Variants in DERA observed in about 807,000 individuals in gnomAD.
The protein encoded by DERA is 2-deoxy-D-ribose 5-phosphate aldolase.
DERA carries 15 observed loss-of-function variants against 41.1 expected under a neutral mutation model. The ratio of observed to expected loss-of-function variants is 0.37; its 90% CI spans 0.24 to 0.56. The LOEUF is 0.56. DERA is among the 20% of genes least tolerant of loss of function. The pLI, the probability that DERA is intolerant of heterozygous loss-of-function variation, is 0.81. For synonymous variants in DERA, 139 were observed against 137.4 expected (o/e 1.01, Z -0.08); for missense variants, 396 against 403.4 (o/e 0.98, Z 0.16).
Position 15,985,331 on chromosome 12 carries a change from C to T in DERA, c.637+2895C>T, listed in dbSNP as rs1992173484. 6.6e-6 allele frequency: 1 copy of T among 152,186 alleles called. No individual in the cohort carries two copies. The highest frequency in any genetic ancestry group is 6.5e-5 in the Admixed American group (1 of 15,274). 9.4% of individuals were successfully genotyped at this position (152,186 alleles called of 1,614,324 possible). A position where few individuals can be genotyped will look rare whatever the true frequency, so the allele number is the denominator to read the frequency against. ...TTAAGGAGTTTGCCTAGAAGTATTT[C>T]ACTGTGTAAGTATACTGAGTTGCTA... On this transcript the variant is annotated intron_variant, in intron 6 of 8. Transcript: ENST00000428559. The surrounding 1 kb of genome is among the most constrained non-coding windows in gnomAD (Gnocchi z 4.2).
In DERA at chr12:15,936,886, T is replaced by TTGTCC. The variant is rs71438363; in HGVS notation, c.32-20005_32-20001dup. Among the ~76,000 whole-genome samples, 976 of 136,898 alleles carry TTGTCC rather than the reference T, an allele frequency of 7.1e-3. 3 individuals carry two copies. Among genetic ancestry groups the TTGTCC allele is most frequent in the Middle Eastern group, 0.018 (5 of 284 alleles). 89.8% of individuals were successfully genotyped at this position (136,898 alleles called of 152,430 possible). A position where few individuals can be genotyped will look rare whatever the true frequency, so the allele number is the denominator to read the frequency against. On this transcript the variant is annotated intron_variant, in intron 1 of 8. Coordinates refer to ENST00000428559, the MANE Select transcript of DERA (RefSeq NM_015954.4). The surrounding 1 kb of genome is among the most constrained non-coding windows in gnomAD (Gnocchi z 4.6). ...TTGTCTTGTCTTGTCTTGTCTTGTCTTGTCCTGTCCTGTCCTGTCCTGTCC... is the reference window on the plus strand; with the variant it reads ...TTGTCTTGTCTTGTCTTGTCTTGTCTTGTCCTGTCCTGTCCTGTCCTGTCCTGTCC...
chr12:16,020,109 C>T lies in DERA; in HGVS notation c.638-12433C>T, dbSNP rs540623745. Among the ~76,000 whole-genome samples the T allele has an allele frequency of 2.0e-5, 3 of 152,278 alleles. No individual in the cohort carries two copies. The East Asian group carries it at 5.8e-4, about 29-fold the overall frequency. On this transcript the variant is annotated intron_variant, in intron 6 of 8. Coordinates refer to ENST00000428559, the MANE Select transcript of DERA (RefSeq NM_015954.4). The surrounding 1 kb of genome is among the most constrained non-coding windows in gnomAD (Gnocchi z 5.5). ...TCTCTAGGAGCAGATCCAAGCACCA[C>T]ACTTACTGTACAGTCTGCAGAATTG...
rs71438364 is a variant in DERA at position 16,029,913 on chromosome 12, CTTTTTTTTTTTTTTTTT to C, written c.638-2618_638-2602del. On this transcript the variant is annotated intron_variant, in intron 6 of 8. Transcript: ENST00000428559. The stretch of plus-strand genomic sequence containing the variant: ...TCAGACCTCCAAATGTAGCCTTGGT[CTTTTTTTTTTTTTTTTT>C]TTTTTTTTTTGAGATGGAGTCTCAC... Among the ~76,000 whole-genome samples the C allele has an allele frequency of 3.7e-3, 224 of 59,744 alleles. 3 individuals are homozygous for C. In the Admixed American group the frequency reaches 0.041, roughly 11 times the overall value. 39.2% of individuals were successfully genotyped at this position (59,744 alleles called of 152,430 possible).
chr12:16,010,439 G>T lies in DERA; in HGVS notation c.638-22103G>T, dbSNP rs1948939533. Among the ~76,000 whole-genome samples, 1 of 151,356 alleles carries T rather than the reference G, an allele frequency of 6.6e-6. No homozygotes were observed. Among genetic ancestry groups the T allele is most frequent in the Non-Finnish European group, 1.5e-5 (1 of 67,986 alleles). The stretch of plus-strand genomic sequence containing the variant: ...AATTTGATGGTGACCTTTTCTGCTT[G>T]TACCTTTACCCATAGATGAGGTTTT... On this transcript the variant is annotated intron_variant, in intron 6 of 8. Transcript: ENST00000428559. This position sits in a 1 kb window ranked among gnomAD's most constrained non-coding sequence, Gnocchi z 5.5.
Position 16,009,197 on chromosome 12 carries a change from T to A in DERA, c.638-23345T>A, listed in dbSNP as rs2136178107. ...CCTCCTTCTCTTACTGTTGTATGGT[T>A]GTCAATCAGAATGAACTAGAATCTA... is the stretch of plus-strand genomic sequence containing the variant. On this transcript the variant is annotated intron_variant, in intron 6 of 8. Coordinates refer to ENST00000428559, the MANE Select transcript of DERA (RefSeq NM_015954.4). This position sits in a 1 kb window ranked among gnomAD's most constrained non-coding sequence, Gnocchi z 5.3. 6.6e-6 allele frequency among the ~76,000 whole-genome samples: 1 copy of A among 152,340 alleles called. No individual in the cohort carries two copies. The highest frequency in any genetic ancestry group is 2.1e-4 in the South Asian group (1 of 4,824).
rs113278487 is a variant in DERA at position 15,936,202 on chromosome 12, G to A, written c.32-20734G>A. Among the ~76,000 whole-genome samples, 22 of 152,328 alleles carry A rather than the reference G, an allele frequency of 1.4e-4. No homozygotes were observed. The highest frequency in any genetic ancestry group is 5.3e-4 in the African/African-American group (22 of 41,570). ...ATGGAAGGGGCATGAATACTAGGAG[G>A]AGAGAATCATTGTGGGTCATTTTTG... On this transcript the variant is annotated intron_variant, in intron 1 of 8. Transcript: ENST00000428559. This position sits in a 1 kb window ranked among gnomAD's most constrained non-coding sequence, Gnocchi z 4.6.
intron 6 of DERA, among the ~76,000 whole-genome samples, chr12:16,030,005 C>T (rs1248561815): frequency 7.0e-6 from 1 of 143,030 alleles, no homozygotes; most frequent in Non-Finnish European, 1.5e-5. Flanking sequence ...TCACTGCAAC[C>T]TCCACCTCCC....
Position 15,981,495 on chromosome 12 carries a change from T to C in DERA, c.509-813T>C, listed in dbSNP as rs1254007738. On this transcript the variant is annotated intron_variant, in intron 5 of 8. Transcript: ENST00000428559. The surrounding 1 kb of genome is among the most constrained non-coding windows in gnomAD (Gnocchi z 6.1). Reference sequence around the variant, plus strand: ...CCGGCCTGAAAAAGCCAAAATTCACTAGTATCATTGACAAAAGACTTAAAT... The same window carrying C: ...CCGGCCTGAAAAAGCCAAAATTCACCAGTATCATTGACAAAAGACTTAAAT... Among the ~76,000 whole-genome samples, 1 of 152,224 alleles carries C rather than the reference T, an allele frequency of 6.6e-6. No homozygotes were observed. Among genetic ancestry groups the C allele is most frequent in the Non-Finnish European group, 1.5e-5 (1 of 68,046 alleles).
rs1948241047 is a variant in DERA at position 15,921,195 on chromosome 12, C to T, written c.31+9781C>T. Among the ~76,000 whole-genome samples, 1 of 152,266 alleles carries T rather than the reference C, an allele frequency of 6.6e-6. No individual in the cohort carries two copies. The highest frequency in any genetic ancestry group is 2.4e-5 in the African/African-American group (1 of 41,562). ...AGTGAATGTGAAGGCATGTTGGAAA[C>T]ATCGGGGTGACGTAGTGAAGTAAGT... On this transcript the variant is annotated intron_variant, in intron 1 of 8. Transcript: ENST00000428559. The surrounding 1 kb of genome is among the most constrained non-coding windows in gnomAD (Gnocchi z 5.3).
At chr12:15,974,031 T>G (rs1026887592) in intron 5 of DERA, among the ~76,000 whole-genome samples, 10 of 152,172 alleles carry the variant, frequency 6.6e-5, no homozygotes, top group Non-Finnish European at 1.2e-4. Context: ...TCCCATTTCC[T>G]TTTTTTGACT....
Position 15,990,993 on chromosome 12 carries a change from G to A in DERA, c.637+8557G>A, listed in dbSNP as rs944247066. 2.0e-5 allele frequency among the ~76,000 whole-genome samples: 3 copies of A among 152,018 alleles called. No homozygotes were observed. In the East Asian group the frequency reaches 5.8e-4, roughly 29 times the overall value. Reference sequence around the variant, plus strand: ...TACACAGTAATGGGATTCCTGGGTCGAAAGGTATTTCTGTCTTTAGATCTT... The same window carrying A: ...TACACAGTAATGGGATTCCTGGGTCAAAAGGTATTTCTGTCTTTAGATCTT... On this transcript the variant is annotated intron_variant, in intron 6 of 8. Coordinates refer to ENST00000428559, the MANE Select transcript of DERA (RefSeq NM_015954.4). This position sits in a 1 kb window ranked among gnomAD's most constrained non-coding sequence, Gnocchi z 4.3.
At position 15,932,722 on chromosome 12, in the gene DERA, G is replaced by A. The variant is rs939194854; in HGVS notation, c.31+21308G>A. On this transcript the variant is annotated intron_variant, in intron 1 of 8. Transcript: ENST00000428559. ...GTGGTGAGAACATTTAAAGTCTATT[G>A]TTAACGATTTTCAGGAATACAATGC... 8.5e-5 allele frequency among the ~76,000 whole-genome samples: 13 copies of A among 152,178 alleles called. No homozygotes were observed. The South Asian group carries it at 1.2e-3, about 15-fold the overall frequency.
chr12:15,983,583 A>G lies in DERA; in HGVS notation c.637+1147A>G, dbSNP rs1173873846. ...CCTCTGTGTGTCCCCACGGCATTCAAGTAAAAGCCCTATCATATAACTTAT... is the reference window on the plus strand; with the variant it reads ...CCTCTGTGTGTCCCCACGGCATTCAGGTAAAAGCCCTATCATATAACTTAT... On this transcript the variant is annotated intron_variant, in intron 6 of 8. Transcript: ENST00000428559. The surrounding 1 kb of genome is among the most constrained non-coding windows in gnomAD (Gnocchi z 6.2). 2.0e-5 allele frequency among the ~76,000 whole-genome samples: 3 copies of G among 152,220 alleles called. No individual in the cohort carries two copies. Among genetic ancestry groups the G allele is most frequent in the Non-Finnish European group, 4.4e-5 (3 of 68,040 alleles).
Position 15,959,720 on chromosome 12 carries a change from T to G in DERA, c.278-109T>G. 3.0e-6 allele frequency: 2 copies of G among 662,092 alleles called. No homozygotes were observed. The highest frequency in any genetic ancestry group is 2.8e-5 in the East Asian group (1 of 35,792). 41.0% of individuals were successfully genotyped at this position (662,092 alleles called of 1,614,324 possible). A position where few individuals can be genotyped will look rare whatever the true frequency, so the allele number is the denominator to read the frequency against. Reference sequence around the variant, plus strand: ...TATTGCAGTATTGTGGGGGAATTATTTTTTTCTCATTTGATTTTTGCCAGT... The same window carrying G: ...TATTGCAGTATTGTGGGGGAATTATGTTTTTCTCATTTGATTTTTGCCAGT... On this transcript the variant is annotated intron_variant, in intron 3 of 8. Transcript: ENST00000428559. The surrounding 1 kb of genome is among the most constrained non-coding windows in gnomAD (Gnocchi z 4.5).
intron 1 of DERA, among the ~76,000 whole-genome samples, chr12:15,932,852 C>T (rs746893055): frequency 6.6e-5 from 10 of 150,892 alleles, no homozygotes; most frequent in Non-Finnish European, 1.2e-4. Flanking sequence ...CCCCAGTCGT[C>T]TCTCTCCAGC....
In DERA at chr12:16,010,140, T is replaced by G. The variant is rs148899338; in HGVS notation, c.638-22402T>G. Among the ~76,000 whole-genome samples the G allele has an allele frequency of 4.7e-3, 714 of 152,312 alleles. 21 individuals carry two copies. Among genetic ancestry groups the G allele is most frequent in the Admixed American group, 0.04 (613 of 15,288 alleles). On this transcript the variant is annotated intron_variant, in intron 6 of 8. Transcript: ENST00000428559. This position sits in a 1 kb window ranked among gnomAD's most constrained non-coding sequence, Gnocchi z 5.5. ...AAGCCCTTCTGCTGTGAGGGAAATATAGCATGTGAGCATATATATTCGTGG... is the reference window on the plus strand; with the variant it reads ...AAGCCCTTCTGCTGTGAGGGAAATAGAGCATGTGAGCATATATATTCGTGG...
At position 15,921,595 on chromosome 12, in the gene DERA, A is replaced by G. The variant is rs73303362; in HGVS notation, c.31+10181A>G. On this transcript the variant is annotated intron_variant, in intron 1 of 8. Coordinates refer to ENST00000428559, the MANE Select transcript of DERA (RefSeq NM_015954.4). The surrounding 1 kb of genome is among the most constrained non-coding windows in gnomAD (Gnocchi z 5.3). ...TTTTGAGGGAGATTATTTTTTCTTC[A>G]GTAAGTAGCAAGAAACTTAAGTGCT... 0.017 allele frequency among the ~76,000 whole-genome samples: 2,572 copies of G among 152,232 alleles called. 63 individuals are homozygous for G. The highest frequency in any genetic ancestry group is 0.058 in the African/African-American group (2,420 of 41,534).
intron 5 of DERA, among the ~76,000 whole-genome samples, chr12:15,973,403 C>T (rs1948676925): frequency 1.7e-5 from 1 of 58,464 alleles, no homozygotes; most frequent in Non-Finnish European, 3.7e-5. Context: ...ATTGGAATTC[C>T]ATTTTCATTT....
In DERA at chr12:15,984,195, C is replaced by T. The variant is rs916694136; in HGVS notation, c.637+1759C>T. Among the ~76,000 whole-genome samples the T allele has an allele frequency of 5.9e-5, 9 of 152,110 alleles. No homozygotes were observed. Among genetic ancestry groups the T allele is most frequent in the Non-Finnish European group, 8.8e-5 (6 of 68,034 alleles). On this transcript the variant is annotated intron_variant, in intron 6 of 8. Transcript: ENST00000428559. This position sits in a 1 kb window ranked among gnomAD's most constrained non-coding sequence, Gnocchi z 4.5. The stretch of plus-strand genomic sequence containing the variant: ...TCACATCGGAGCCAATCTTGTGATA[C>T]CTGTTACCCCAGCTGTTATCCTGGT...
Sources: allele counts gnomAD v4.1 joint callset (sites outside exome capture counted in the v4.1 genomes callset), GRCh38; gene constraint gnomAD v4.1.1; non-coding constraint Gnocchi (gnomAD v3.1); transcripts MANE v1.5; gene names NCBI Gene and HGNC (gene_info 2026-07-23, HGNC 2026-07-21).